Variants in RIMKLB observed in about 807,000 individuals in gnomAD.
RIMKLB encodes ribosomal modification protein rimK like family member B.
In RIMKLB, 7 loss-of-function variants were observed where a neutral mutation model predicts 32.0. That is an observed-to-expected ratio of 0.22 (90% CI 0.12 to 0.41). RIMKLB has a LOEUF of 0.41. Among genes scored for constraint, RIMKLB ranks in the 10% least tolerant of loss-of-function variants. RIMKLB has a pLI of 1.00. For synonymous variants in RIMKLB, 172 were observed against 185.1 expected, an observed-to-expected ratio of 0.93 and a Z score of 0.57; for missense variants, 289 against 498.7, an observed-to-expected ratio of 0.58 and a Z score of 4.00.
chr12:8,682,803 T>TAAAA (rs34405359), intron 1 of RIMKLB, among the ~76,000 whole-genome samples: 11 of 132,390 alleles, frequency 8.3e-5, no homozygotes, highest in South Asian at 2.4e-4. Flanking sequence ...ATAAATAAAT[T>TAAAA]AAAAAAAAAA....
At chr12:8,698,813 A>T (rs1319995384) in intron 1 of RIMKLB, among the ~76,000 whole-genome samples, 1 of 151,954 alleles carries the variant, frequency 6.6e-6, no homozygotes, top group East Asian at 1.9e-4. Flanking sequence ...TTACGTGTAA[A>T]TTTTAGAGAG....
intron 2 of RIMKLB, among the ~76,000 whole-genome samples, chr12:8,723,161 CT>C (rs1591745801): frequency 6.6e-6 from 1 of 152,222 alleles, no homozygotes; most frequent in East Asian, 1.9e-4. Context: ...CTTCACTAAG[CT>C]TAATCTTTCA....
At chr12:8,753,224 G>A (rs1948763493) in intron 4 of RIMKLB, among the ~76,000 whole-genome samples, 1 of 152,188 alleles carries the variant, frequency 6.6e-6, no homozygotes, top group South Asian at 2.1e-4. Flanking sequence ...ATGCTAAAGT[G>A]AACAAAGAAT....
intron 5 of RIMKLB, among the ~76,000 whole-genome samples, chr12:8,766,336 T>C (rs1016744239): frequency 2.0e-5 from 3 of 152,164 alleles, no homozygotes; most frequent in Non-Finnish European, 4.4e-5. Context: ...TGGATTCTAG[T>C]GGTCCTTTAC....
At chr12:8,675,528 C>T in the RIMKLB span, among the ~76,000 whole-genome samples, 1 of 152,196 alleles carries the variant, frequency 6.6e-6, no homozygotes, top group African/African-American at 2.4e-5. Flanking sequence ...TTCAGTCTAA[C>T]CTCTATCTAT....
At position 8,711,418 on chromosome 12, in the gene RIMKLB, C is replaced by CA. The variant is rs940589588; in HGVS notation, c.-56-2390dup. 2.3e-4 allele frequency among the ~76,000 whole-genome samples: 35 copies of CA among 152,076 alleles called. 1 individual carries two copies. The highest frequency in any genetic ancestry group is 8.8e-5 in the Non-Finnish European group (6 of 67,982). ...TCAGAAAGAAAAAAAAAATCATCTGCAAACGGATGAGTTTCAAGAGCCGAG... is the reference window on the plus strand; with the variant it reads ...TCAGAAAGAAAAAAAAAATCATCTGCAAAACGGATGAGTTTCAAGAGCCGAG... On this transcript the variant is annotated intron_variant, in intron 1 of 5. Transcript: ENST00000535829.
At chr12:8,718,669 A>ATGTGTGTGTGTGTG (rs1182850325) in intron 2 of RIMKLB, among the ~76,000 whole-genome samples, 1 of 116,126 alleles carries the variant, frequency 8.6e-6, no homozygotes. Context: ...ATATATATAT[A>ATGTGTGTGTGTGTG]TGTGTGTGTG....
intron 2 of RIMKLB, among the ~76,000 whole-genome samples, chr12:8,718,659 A>ATGTGTGTGTGTGTGTG (rs1213938637): frequency 9.8e-4 from 117 of 119,346 alleles, no homozygotes; most frequent in Middle Eastern, 4.3e-3. Flanking sequence ...CTCTCTATAT[A>ATGTGTGTGTGTGTGTG]TATATATATA....
chr12:8,716,011 T>G (rs1944797944), intron 2 of RIMKLB, among the ~76,000 whole-genome samples: 1 of 152,182 alleles, frequency 6.6e-6, no homozygotes, highest in Non-Finnish European at 1.5e-5. Context: ...CTTAGTGTAT[T>G]GGGAGCCATG....
chr12:8,742,870 C>G (rs1947695263), intron 2 of RIMKLB: 1 of 185,326 alleles, frequency 5.4e-6, no homozygotes. Flanking sequence ...GACCATTACT[C>G]TGTGTAACAG....
chr12:8,710,842 G>T (rs1002433102), intron 1 of RIMKLB, among the ~76,000 whole-genome samples: 3 of 151,880 alleles, frequency 2.0e-5, no homozygotes. Context: ...ATTAATCATT[G>T]ATTGGCAAGG....
downstream of RIMKLB, chr12:8,777,379 T>C (rs1403503329): frequency 1.0e-6 from 1 of 984,782 alleles, no homozygotes; most frequent in Non-Finnish European, 1.2e-6. Flanking sequence ...TGAAATGTTT[T>C]TAGTTTTGTT....
downstream of RIMKLB, among the ~76,000 whole-genome samples, chr12:8,781,534 A>G (rs1951041752): frequency 6.6e-6 from 1 of 151,806 alleles, no homozygotes; most frequent in Non-Finnish European, 1.5e-5. Flanking sequence ...CTGCCTGTTC[A>G]CCTTTCTCTC....
chr12:8,721,452 G>A (rs960719226), intron 2 of RIMKLB, among the ~76,000 whole-genome samples: 1 of 152,140 alleles, frequency 6.6e-6, no homozygotes. Flanking sequence ...TTTCAACAAT[G>A]TTCATAGCCT....
At chr12:8,753,533 A>G (rs1948787184) in intron 4 of RIMKLB, among the ~76,000 whole-genome samples, 1 of 152,232 alleles carries the variant, frequency 6.6e-6, no homozygotes, top group South Asian at 2.1e-4. Context: ...AATGTATTCT[A>G]TAATAATATA....
the RIMKLB span, among the ~76,000 whole-genome samples, chr12:8,674,046 A>G: frequency 6.6e-6 from 1 of 152,020 alleles, no homozygotes; most frequent in African/African-American, 2.4e-5. Context: ...AAAGAGAAAT[A>G]AACTCCACCT....
Position 8,774,051 on chromosome 12 carries a change from A to G in RIMKLB, c.*267A>G. 2.4e-6 allele frequency: 3 copies of G among 1,235,982 alleles called. No individual in the cohort carries two copies. Among genetic ancestry groups the G allele is most frequent in the Non-Finnish European group, 3.0e-6 (3 of 986,614 alleles). The allele number at this position is 1,235,982 out of a possible 1,614,324, so 76.6% of individuals were successfully genotyped here. A position where few individuals can be genotyped will look rare whatever the true frequency, so the allele number is the denominator to read the frequency against. On this transcript the variant is annotated 3_prime_UTR_variant, in exon 6 of 6. Coordinates refer to ENST00000535829, the MANE Select transcript of RIMKLB (RefSeq NM_001297776.2). ...AGTTACCCTTTTAAATTGCTAAAAAATGTGTATGCTCATAGGCCATGAGGA... is the reference window on the plus strand; with the variant it reads ...AGTTACCCTTTTAAATTGCTAAAAAGTGTGTATGCTCATAGGCCATGAGGA...
rs1010700243 is a variant in RIMKLB, at chr12:8,776,482, T to C, written c.*2698T>C. 3 of 734,238 alleles carry C rather than the reference T, an allele frequency of 4.1e-6. No individual in the cohort carries two copies. In the African/African-American group the frequency reaches 5.7e-5, roughly 14 times the overall value. The allele number at this position is 734,238 out of a possible 1,614,324, so 45.5% of individuals were successfully genotyped here. A position where few individuals can be genotyped will look rare whatever the true frequency, so the allele number is the denominator to read the frequency against. On this transcript the variant is annotated 3_prime_UTR_variant, in exon 6 of 6. Transcript: ENST00000535829. ...TCTTCATTGCTATTATGAGAGAGAATGTATATATCAAATATGTGTAATGAT... is the reference window on the plus strand; with the variant it reads ...TCTTCATTGCTATTATGAGAGAGAACGTATATATCAAATATGTGTAATGAT...
intron 2 of RIMKLB, among the ~76,000 whole-genome samples, chr12:8,722,964 GT>G (rs1945611901): frequency 6.6e-6 from 1 of 152,226 alleles, no homozygotes. Flanking sequence ...CTGGTTGGAT[GT>G]TTTATCCAGA....
Sources: gnomAD v4.1 joint callset for allele counts (sites outside exome capture counted in the v4.1 genomes callset) on GRCh38, gnomAD v4.1.1 for gene constraint, MANE v1.5 for transcripts, NCBI Gene and HGNC (gene_info 2026-07-23, HGNC 2026-07-21) for gene names.